MAGI2: variants seen among roughly 807,000 people sequenced by gnomAD.
MAGI2 encodes the protein membrane associated guanylate kinase, WW and PDZ domain containing 2.
Under a neutral mutation model 133.3 loss-of-function variants are expected in MAGI2, and 35 were observed. The observed-to-expected ratio is 0.26, with a 90% CI of 0.20 to 0.35. The LOEUF (loss-of-function observed/expected upper bound fraction) is 0.35. Ranked by LOEUF, MAGI2 falls within the 10% of genes least tolerant of loss-of-function variation. The probability of loss-of-function intolerance (pLI) is 1.00; values close to 1 mark genes in which losing one functional copy is unlikely to be tolerated. For synonymous variants in MAGI2, 729 were observed against 710.6 expected (o/e 1.03, Z -0.41); for missense variants, 1,636 against 1,863.4 (o/e 0.88, Z 2.25).
chr7:78,407,423 A>G (rs1458982458), intron 6 of MAGI2, among the ~76,000 whole-genome samples: 3 of 151,994 alleles, frequency 2.0e-5, no homozygotes, highest in Non-Finnish European at 4.4e-5. Context: ...GTGTTTTTTT[A>G]TCTTCCCAAA....
At chr7:78,379,885 A>G (rs1171374904) in intron 6 of MAGI2, among the ~76,000 whole-genome samples, 2 of 152,098 alleles carry the variant, frequency 1.3e-5, no homozygotes, top group Non-Finnish European at 2.9e-5. Context: ...GTTAGTGTCA[A>G]AATTATGATC....
At chr7:78,815,599 T>G (rs902793731) in intron 2 of MAGI2, among the ~76,000 whole-genome samples, 8 of 152,196 alleles carry the variant, frequency 5.3e-5, no homozygotes, top group African/African-American at 1.4e-4. Context: ...GCTTTCTTCA[T>G]TTCTCTGTGT....
chr7:79,155,884 G>A (rs1005963003), intron 1 of MAGI2, among the ~76,000 whole-genome samples: 1 of 152,142 alleles, frequency 6.6e-6, no homozygotes, highest in African/African-American at 2.4e-5. Flanking sequence ...ATGTTATACT[G>A]ATGGAAGTAT....
rs570373632 is a variant in MAGI2 at position 79,371,550 on chromosome 7, A to G, written c.301+81470T>C. ...ATTTACCATTGTGTTACAATTGCCT[A>G]TAGCATTCGATATAGTAATATGCTG... On this transcript the variant is annotated intron_variant, in intron 1 of 21. Coordinates refer to ENST00000354212, the MANE Select transcript of MAGI2 (RefSeq NM_012301.4). Among the ~76,000 whole-genome samples the G allele has an allele frequency of 5.3e-5, 8 of 152,210 alleles. No homozygotes were observed. The South Asian group carries it at 1.2e-3, about 24-fold the overall frequency.
chr7:78,767,255 C>T (rs979118474), intron 2 of MAGI2, among the ~76,000 whole-genome samples: 2 of 152,150 alleles, frequency 1.3e-5, no homozygotes, highest in African/African-American at 4.8e-5. Context: ...TTCCAAAGTG[C>T]CAGGATTACA....
At chr7:78,515,671 C>T (rs62468566) in intron 4 of MAGI2, among the ~76,000 whole-genome samples, 4,755 of 152,188 alleles carry the variant, frequency 0.031, 133 homozygotes, top group East Asian at 0.1. Context: ...GAGGCCGAGG[C>T]GGGTGGATCA....
intron 6 of MAGI2, among the ~76,000 whole-genome samples, chr7:78,474,779 T>G (rs1380037095): frequency 6.6e-6 from 1 of 151,790 alleles, no homozygotes; most frequent in Admixed American, 6.6e-5. Context: ...AAAACAGATT[T>G]GTTTTTCTAG....
intron 1 of MAGI2, among the ~76,000 whole-genome samples, chr7:79,226,828 C>T (rs917655467): frequency 1.3e-5 from 2 of 152,008 alleles, no homozygotes; most frequent in South Asian, 2.1e-4. Flanking sequence ...AGAAAGTGTC[C>T]ATGCCATACT....
At chr7:78,769,825 G>A (rs949725679) in intron 2 of MAGI2, among the ~76,000 whole-genome samples, 3 of 152,146 alleles carry the variant, frequency 2.0e-5, no homozygotes, top group Non-Finnish European at 4.4e-5. Context: ...GCATCTTCTT[G>A]TTATAGTCTG....
intron 4 of MAGI2, among the ~76,000 whole-genome samples, chr7:78,503,057 A>G (rs1794760043): frequency 6.6e-6 from 1 of 152,188 alleles, no homozygotes; most frequent in Admixed American, 6.5e-5. Flanking sequence ...GATTACTTAC[A>G]AAGAAAAGAG....
At chr7:78,159,988 A>G in intron 16 of MAGI2, 37 bp downstream of exon 16, 1 of 1,523,420 alleles carries the variant, frequency 6.6e-7, no homozygotes, top group Non-Finnish European at 8.8e-7. Flanking sequence ...TCAAAACAAG[A>G]CCCCTTATTC....
intron 21 of MAGI2, among the ~76,000 whole-genome samples, 194 bp from the exon 22 acceptor site, chr7:78,020,170 C>T (rs1241206445): frequency 6.6e-6 from 1 of 150,830 alleles, no homozygotes; most frequent in Admixed American, 6.6e-5. Context: ...GGGTTCCCTC[C>T]GCCCCGCTTA....
At chr7:79,248,909 G>A (rs1382094804) in intron 1 of MAGI2, among the ~76,000 whole-genome samples, 1 of 151,550 alleles carries the variant, frequency 6.6e-6, no homozygotes, top group African/African-American at 2.4e-5. Flanking sequence ...TGTTGCCCAG[G>A]CTGGAGTGCA....
chr7:78,856,956 G>C (rs768997699), intron 2 of MAGI2, among the ~76,000 whole-genome samples: 1 of 152,154 alleles, frequency 6.6e-6, no homozygotes, highest in South Asian at 2.1e-4. Flanking sequence ...TCTCCTTGAA[G>C]AGGTCCTTCA....
At chr7:78,501,532 G>A (rs750828356) in intron 5 of MAGI2, 45 bp downstream of exon 5, 19 of 1,362,898 alleles carry the variant, frequency 1.4e-5, no homozygotes, top group African/African-American at 4.6e-5. Flanking sequence ...TTTATATCCC[G>A]CTATGACCTT....
chr7:78,094,604 G>T (rs1372597534), intron 20 of MAGI2, among the ~76,000 whole-genome samples: 1 of 152,150 alleles, frequency 6.6e-6, no homozygotes, highest in African/African-American at 2.4e-5. Context: ...TGTCCTGACA[G>T]AAAATCCTTA....
intron 2 of MAGI2, among the ~76,000 whole-genome samples, chr7:78,839,275 G>A (rs1037390364): frequency 6.6e-6 from 1 of 152,034 alleles, no homozygotes; most frequent in African/African-American, 2.4e-5. Context: ...ATAGCTGGAG[G>A]TACATTTCTA....
chr7:78,309,578 A>T (rs1798524709), intron 9 of MAGI2, among the ~76,000 whole-genome samples: 1 of 135,602 alleles, frequency 7.4e-6, no homozygotes, highest in Non-Finnish European at 1.6e-5. Context: ...TACTATGCTC[A>T]CTACTTGGGT....
chr7:78,568,602 A>T (rs750149028), intron 3 of MAGI2, among the ~76,000 whole-genome samples: 2 of 152,088 alleles, frequency 1.3e-5, no homozygotes, highest in African/African-American at 4.8e-5. Flanking sequence ...ACCTATGACC[A>T]CTTCTCAGTG....
Sources: gnomAD v4.1 joint callset for allele counts (sites outside exome capture counted in the v4.1 genomes callset) on GRCh38, gnomAD v4.1.1 for gene constraint, MANE v1.5 for transcripts, NCBI Gene and HGNC (gene_info 2026-07-23, HGNC 2026-07-21) for gene names.